DGKI: variants seen among roughly 807,000 people sequenced by gnomAD.
DGKI encodes diacylglycerol kinase iota.
DGKI carries 55 observed loss-of-function variants against 147.5 expected under a neutral mutation model. The observed-to-expected ratio is 0.37, with a 90% CI of 0.30 to 0.47. The LOEUF is 0.47. DGKI is among the 20% of genes least tolerant of loss of function. DGKI has a pLI of 1.00. For missense variants in DGKI, 1,007 were observed against 1,323.8 expected, an observed-to-expected ratio of 0.76 and a Z score of 3.71; for synonymous variants, 469 against 477.1, an observed-to-expected ratio of 0.98 and a Z score of 0.22.
intron 28 of DGKI, among the ~76,000 whole-genome samples, chr7:137,416,597 G>A (rs2128903750): frequency 6.6e-6 from 1 of 152,262 alleles, no homozygotes; most frequent in East Asian, 1.9e-4. Context: ...GTGATGAGAA[G>A]CTATTGAAGA....
chr7:137,635,400 A>C (rs193238807), intron 6 of DGKI, among the ~76,000 whole-genome samples: 5 of 152,196 alleles, frequency 3.3e-5, no homozygotes, highest in Non-Finnish European at 7.3e-5. Context: ...CCGCTTTAGA[A>C]GGGGCAGCAA....
rs781580130 is a variant in DGKI, at chr7:137,846,161, T to TCTCACACACACA, written c.401+300_401+301insTGTGTGTGTGAG. Among the ~76,000 whole-genome samples, 2 of 108,220 alleles carry TCTCACACACACA rather than the reference T, an allele frequency of 1.8e-5. No individual in the cohort carries two copies. The highest frequency in any genetic ancestry group is 6.5e-4 in the South Asian group (2 of 3,064). 71.0% of individuals were successfully genotyped at this position (108,220 alleles called of 152,430 possible). On this transcript the variant is annotated intron_variant, in intron 1 of 32. Coordinates refer to ENST00000614521, the MANE Select transcript of DGKI (RefSeq NM_001321708.2). This position sits in a 1 kb window ranked among gnomAD's most constrained non-coding sequence, Gnocchi z 4.0. ...CTCTCTCTCTCTCTCTCTCTCTCTCTCACACACACACACACACACACACAC... is the reference window on the plus strand; with the variant it reads ...CTCTCTCTCTCTCTCTCTCTCTCTCTCTCACACACACACACACACACACACACACACACACAC...
intron 1 of DGKI, among the ~76,000 whole-genome samples, chr7:137,769,905 G>A (rs1796131220): frequency 6.6e-6 from 1 of 152,230 alleles, no homozygotes; most frequent in South Asian, 2.1e-4. Context: ...CATTGTGGAA[G>A]CCAGTGTGGC....
At chr7:137,606,590 A>G (rs1466435951) in intron 10 of DGKI, among the ~76,000 whole-genome samples, 1 of 152,220 alleles carries the variant, frequency 6.6e-6, no homozygotes, top group Non-Finnish European at 1.5e-5. Flanking sequence ...ATTTTAGCAC[A>G]ATTCCCATCT....
intron 6 of DGKI, among the ~76,000 whole-genome samples, chr7:137,626,602 T>C (rs1275920058): frequency 6.6e-6 from 1 of 152,128 alleles, no homozygotes; most frequent in Non-Finnish European, 1.5e-5. Context: ...TTGCAGCCAT[T>C]TGAAAAGCTC....
chr7:137,776,758 T>G (rs1326371451), intron 1 of DGKI, among the ~76,000 whole-genome samples: 1 of 152,154 alleles, frequency 6.6e-6, no homozygotes, highest in Non-Finnish European at 1.5e-5. Flanking sequence ...GAGAAAGCCT[T>G]TGTGATAAAT....
At chr7:137,517,327 G>GAAAGAAAGAAAGAA (rs1563064025) in intron 21 of DGKI, among the ~76,000 whole-genome samples, 1 of 108,356 alleles carries the variant, frequency 9.2e-6, no homozygotes, top group Non-Finnish European at 1.8e-5. Context: ...AAGAAAGAAA[G>GAAAGAAAGAAAGAA]AAAGAAAGAA....
chr7:137,496,449 G>C (rs1815967527), intron 21 of DGKI, among the ~76,000 whole-genome samples: 1 of 151,708 alleles, frequency 6.6e-6, no homozygotes, highest in Non-Finnish European at 1.5e-5. Flanking sequence ...CACAGAATTA[G>C]AACAAACTAT....
rs1449441813 is a variant in DGKI at position 137,721,901 on chromosome 7, C to G, written c.402-31899G>C. 4.8e-6 allele frequency: 4 copies of G among 834,224 alleles called. No homozygotes were observed. The Admixed American group carries it at 8.9e-5, about 19-fold the overall frequency. The allele number at this position is 834,224 out of a possible 1,614,324, so 51.7% of individuals were successfully genotyped here. The stretch of plus-strand genomic sequence containing the variant: ...CCAGAATGCTAACTTCTGCCTAATT[C>G]CAATCCTCCATCAAGCCAGCTAATA... On this transcript the variant is annotated intron_variant, in intron 1 of 32. Transcript: ENST00000614521.
intron 1 of DGKI, among the ~76,000 whole-genome samples, chr7:137,705,675 C>T (rs1793997052): frequency 6.6e-6 from 1 of 151,856 alleles, no homozygotes; most frequent in Non-Finnish European, 1.5e-5. Context: ...ATTTGCAAAA[C>T]TCATAACTTG....
intron 1 of DGKI, among the ~76,000 whole-genome samples, chr7:137,836,768 C>T (rs1451261455): frequency 6.6e-6 from 1 of 152,174 alleles, no homozygotes; most frequent in African/African-American, 2.4e-5. Context: ...GGCCTCCCTA[C>T]AACTGACAGT....
At chr7:137,434,820 GTTTGT>G (rs1007657908) in intron 28 of DGKI, among the ~76,000 whole-genome samples, 3 of 152,214 alleles carry the variant, frequency 2.0e-5, no homozygotes, top group East Asian at 1.9e-4. Context: ...GCCCAGGGGG[GTTTGT>G]TTTGTTTTGT....
At chr7:137,529,573 A>G (rs1412184634) in intron 20 of DGKI, among the ~76,000 whole-genome samples, 2 of 152,234 alleles carry the variant, frequency 1.3e-5, no homozygotes, top group Non-Finnish European at 2.9e-5. Context: ...GTGGCATTGC[A>G]GAGCAGGTTA....
chr7:137,634,149 C>T (rs560476854), intron 6 of DGKI, among the ~76,000 whole-genome samples: 5 of 152,150 alleles, frequency 3.3e-5, no homozygotes, highest in Non-Finnish European at 7.4e-5. Context: ...AAACACAGCA[C>T]TTTATTTGGC....
intron 20 of DGKI, among the ~76,000 whole-genome samples, chr7:137,532,104 G>A (rs903943795): frequency 6.6e-6 from 1 of 152,014 alleles, no homozygotes; most frequent in African/African-American, 2.4e-5. Flanking sequence ...CAAAATTCAT[G>A]AAGCAATGAT....
intron 1 of DGKI, among the ~76,000 whole-genome samples, chr7:137,825,964 T>C (rs1490785579): frequency 3.3e-5 from 5 of 152,210 alleles, no homozygotes; most frequent in Admixed American, 2.6e-4. Context: ...GAATTTAGTA[T>C]TGTTGACTAG....
intron 3 of DGKI, among the ~76,000 whole-genome samples, chr7:137,659,685 C>T (rs1361827968): frequency 2.6e-5 from 4 of 152,238 alleles, no homozygotes; most frequent in Non-Finnish European, 5.9e-5. Context: ...GTAATCCCAG[C>T]ACTCTGGGAG....
intron 19 of DGKI, among the ~76,000 whole-genome samples, chr7:137,559,399 T>C (rs1473603532): frequency 2.0e-5 from 3 of 152,232 alleles, no homozygotes; most frequent in Admixed American, 2.0e-4. Flanking sequence ...AATCATGTTC[T>C]CAAATTCCAC....
At chr7:137,399,717 C>T (rs1811679795) in intron 30 of DGKI, among the ~76,000 whole-genome samples, 1 of 152,162 alleles carries the variant, frequency 6.6e-6, no homozygotes, top group African/African-American at 2.4e-5. Context: ...CGAGACCAGC[C>T]TGACCAACAT....
Sources: allele counts gnomAD v4.1 joint callset (sites outside exome capture counted in the v4.1 genomes callset), GRCh38; gene constraint gnomAD v4.1.1; non-coding constraint Gnocchi (gnomAD v3.1); transcripts MANE v1.5; gene names NCBI Gene and HGNC (gene_info 2026-07-23, HGNC 2026-07-21).